ADAM19: variants seen among roughly 807,000 people sequenced by gnomAD.
ADAM19 encodes the protein disintegrin and metalloproteinase domain-containing protein 19.
In ADAM19, 65 loss-of-function variants were observed where a neutral mutation model predicts 114.7. The observed-to-expected ratio is 0.57, with a 90% CI of 0.46 to 0.70. ADAM19 has a LOEUF of 0.70. Among genes scored for constraint, ADAM19 ranks in the 30% least tolerant of loss-of-function variants. The pLI, the probability that ADAM19 is intolerant of heterozygous loss-of-function variation, is 0.00. For missense variants in ADAM19, 1,063 were observed against 1,204.7 expected (o/e 0.88, Z 1.74); for synonymous variants, 466 against 460.5 (o/e 1.01, Z -0.15).
chr5:157,519,482 G>A (rs578207567), intron 6 of ADAM19, among the ~76,000 whole-genome samples: 7 of 152,086 alleles, frequency 4.6e-5, no homozygotes, highest in Non-Finnish European at 7.4e-5. Flanking sequence ...ATGGGGTTTC[G>A]CCATGTTGCC....
Position 157,499,580 on chromosome 5 carries a change from T to C in ADAM19, c.1391A>G (p.Gln464Arg), listed in dbSNP as rs749880422. Residue 464 changes from glutamine to arginine, a missense_variant, in exon 13 of 23, where the codon CAG becomes CGG. Physicochemically the swap from Gln to Arg is conservative, Grantham distance 43. Around this residue, in one of 3 missense-constraint regions of ADAM19, gnomAD observed 615 missense variants for 706.3 expected, o/e 0.87. Coordinates refer to ENST00000257527, the MANE Select transcript of ADAM19 (RefSeq NM_033274.5). Reference protein sequence around the residue: ...AECAHGSCCHQCKLLAPGTLC... With the variant: ...AECAHGSCCHRCKLLAPGTLC... ...GAGAAAAGGGCCACTTACCTTACAC[T>C]GGTGGCAGCAGGAGCCGTGAGCACA... 4 of 1,612,728 alleles carry C rather than the reference T, an allele frequency of 2.5e-6. No homozygotes were observed. Among genetic ancestry groups the C allele is most frequent in the Non-Finnish European group, 3.4e-6 (4 of 1,179,588 alleles).
intron 5 of ADAM19, among the ~76,000 whole-genome samples, chr5:157,520,613 T>G (rs1407870265): frequency 6.6e-6 from 1 of 152,206 alleles, no homozygotes; most frequent in Non-Finnish European, 1.5e-5. Context: ...CAAGCGTCAG[T>G]TTCCTCATCC....
rs11738250 is a variant in ADAM19, at chr5:157,558,521, G to A, written c.251+5852C>T. Among the ~76,000 whole-genome samples the A allele has an allele frequency of 2.2e-3, 341 of 152,324 alleles. 1 individual carries two copies. The highest frequency in any genetic ancestry group is 3.4e-3 in the Middle Eastern group (1 of 294). On this transcript the variant is annotated intron_variant, in intron 3 of 22. Transcript: ENST00000257527. The stretch of plus-strand genomic sequence containing the variant: ...CTCAGTGAAGCATGGTTTACTAAGA[G>A]CATTGGGATACCATCTAAGCCTTTC...
chr5:157,547,848 C>T (rs535845202), intron 3 of ADAM19, among the ~76,000 whole-genome samples: 2 of 152,244 alleles, frequency 1.3e-5, no homozygotes, highest in Non-Finnish European at 1.5e-5. Context: ...TTCTCAAATG[C>T]GTTTTGGATG....
chr5:157,541,977 C>G (rs1756930658), intron 3 of ADAM19, among the ~76,000 whole-genome samples: 2 of 152,212 alleles, frequency 1.3e-5, no homozygotes, highest in African/African-American at 4.8e-5. Flanking sequence ...TCACTCTGCT[C>G]ATCTCAGTAG....
At position 157,490,249 on chromosome 5, in the gene ADAM19, T is replaced by C; in HGVS notation, c.2240+61A>G. The C allele has an allele frequency of 2.5e-6, 4 of 1,594,332 alleles. No individual in the cohort carries two copies. In the South Asian group the frequency reaches 3.3e-5, roughly 13 times the overall value. On this transcript the variant is annotated intron_variant, in intron 19 of 22. Coordinates refer to ENST00000257527, the MANE Select transcript of ADAM19 (RefSeq NM_033274.5). ...TCACCAACACTTTTGCTAAGTACCA[T>C]TTATGGAGACCTTTGTGACCCATAA...
At chr5:157,552,956 A>G (rs1021690078) in intron 3 of ADAM19, among the ~76,000 whole-genome samples, 1 of 152,206 alleles carries the variant, frequency 6.6e-6, no homozygotes, top group Non-Finnish European at 1.5e-5. Context: ...TCAACATCCC[A>G]TGTTCTCACT....
intron 8 of ADAM19, 51 bp from the exon 9 acceptor site, chr5:157,509,518 A>G: frequency 1.5e-6 from 2 of 1,351,208 alleles, no homozygotes; most frequent in Non-Finnish European, 2.0e-6. Flanking sequence ...CCTGGGATTT[A>G]AAAGCCCCTT....
At chr5:157,520,065 G>C (rs1291120241) in intron 5 of ADAM19, 34 bp from the exon 6 acceptor site, 9 of 1,578,612 alleles carry the variant, frequency 5.7e-6, no homozygotes, top group Non-Finnish European at 7.8e-6. Context: ...TCTGGTCAAA[G>C]ATTATGGTTC....
At chr5:157,526,173 TACACAC>T (rs35119605) in intron 5 of ADAM19, among the ~76,000 whole-genome samples, 17 of 109,296 alleles carry the variant, frequency 1.6e-4, no homozygotes, top group African/African-American at 3.2e-4. Context: ...TATATATATA[TACACAC>T]ACACACACAC....
At chr5:157,503,088 G>A (rs1741406326) in intron 11 of ADAM19, 108 bp from the exon 12 acceptor site, 3 of 933,464 alleles carry the variant, frequency 3.2e-6, no homozygotes, top group Non-Finnish European at 3.3e-6. Flanking sequence ...CTCCACCTGG[G>A]TTCAGACCCC....
chr5:157,531,749 A>C (rs1195488402), intron 4 of ADAM19, among the ~76,000 whole-genome samples: 2 of 152,080 alleles, frequency 1.3e-5, no homozygotes, highest in Non-Finnish European at 1.5e-5. Context: ...TCCTTCTAAC[A>C]AGAGGGAAGG....
rs1199824312 is a variant in ADAM19, at chr5:157,505,801, G to A, written c.998C>T (p.Ser333Phe). ...YQSGGVNMDH[S>F]ENAIGVAATM... ...GGCAGCCACGCCAATGGCATTCTCG[G>A]AGTGGTCCTGCTCAGAAGACAGAGT... Residue 333 changes from serine to phenylalanine, a missense_variant, in exon 11 of 23, where the codon TCC becomes TTC. By Grantham distance (155) the Ser-to-Phe change is radical. Transcript: ENST00000257527. 1.2e-6 allele frequency: 2 copies of A among 1,614,064 alleles called. No individual in the cohort carries two copies. Among genetic ancestry groups the A allele is most frequent in the Admixed American group, 1.7e-5 (1 of 60,028 alleles).
At chr5:157,533,793 C>T (rs954973760) in intron 4 of ADAM19, among the ~76,000 whole-genome samples, 1 of 151,944 alleles carries the variant, frequency 6.6e-6, no homozygotes, top group Admixed American at 6.6e-5. Context: ...CACGGTGAAA[C>T]CCTGTCTTTA....
At position 157,509,346 on chromosome 5, in the gene ADAM19, C is replaced by A. The variant is rs772964251; in HGVS notation, c.860G>T (p.Arg287Leu). 5.6e-6 allele frequency: 9 copies of A among 1,611,636 alleles called. No homozygotes were observed. Among genetic ancestry groups the A allele is most frequent in the African/African-American group, 1.3e-5 (1 of 74,822 alleles). ...ATGGTACTTCTGGGCAAGCAGCTTGCGCCTCCAACTGAGAAAGGACCAGAG... is the reference window on the plus strand; with the variant it reads ...ATGGTACTTCTGGGCAAGCAGCTTGAGCCTCCAACTGAGAAAGGACCAGAG... Reference protein sequence around the residue: ...STLWSFLSWRRKLLAQKYHDN... With the variant: ...STLWSFLSWRLKLLAQKYHDN... The change falls in exon 9 of 23, where the codon CGC becomes CTC. Residue 287 changes from arginine to leucine, a missense_variant. Arg to Leu is a moderately radical substitution (Grantham distance 102). Around this residue, in one of 3 missense-constraint regions of ADAM19, gnomAD observed 615 missense variants for 706.3 expected, o/e 0.87. Transcript: ENST00000257527.
chr5:157,512,102 T>A (rs887453947), intron 8 of ADAM19, among the ~76,000 whole-genome samples: 3 of 152,196 alleles, frequency 2.0e-5, no homozygotes, highest in Non-Finnish European at 4.4e-5. Flanking sequence ...GTTTGGGTTG[T>A]AGGATTATTT....
In ADAM19 at chr5:157,519,933, G is replaced by A. The variant is rs752116586; in HGVS notation, c.506C>T (p.Pro169Leu). The A allele has an allele frequency of 2.0e-5, 32 of 1,614,106 alleles. No individual in the cohort carries two copies. The highest frequency in any genetic ancestry group is 1.0e-4 in the Admixed American group (6 of 60,022). ...HLIYRSEHLK[P>L]PPGNCGFEHS... ...CTCGAACCCACAGTTTCCCGGGGGC[G>A]GCTTGAGATGTTCAGATCTGTAAAT... Residue 169 changes from proline to leucine, a missense_variant, in exon 6 of 23, where the codon CCG (proline) becomes CTG (leucine). Around this residue, in one of 3 missense-constraint regions of ADAM19, gnomAD observed 615 missense variants for 706.3 expected, o/e 0.87. Transcript: ENST00000257527.
At chr5:157,491,979 G>T in intron 16 of ADAM19, 67 bp from the exon 17 acceptor site, 3 of 1,532,536 alleles carry the variant, frequency 2.0e-6, no homozygotes, top group Non-Finnish European at 2.7e-6. Flanking sequence ...TAGGAGGCAA[G>T]ATTTTGCACT....
intron 3 of ADAM19, among the ~76,000 whole-genome samples, chr5:157,560,776 G>T (rs1757489188): frequency 6.6e-6 from 1 of 152,202 alleles, no homozygotes; most frequent in African/African-American, 2.4e-5. Flanking sequence ...TTTTCCTCGT[G>T]GGAGGGAAAC....
Sources: gnomAD v4.1 joint callset for allele counts (sites outside exome capture counted in the v4.1 genomes callset) on GRCh38, gnomAD v4.1.1 for gene constraint, gnomAD v4.1.1 regional missense constraint, MANE v1.5 for transcripts, NCBI Gene and HGNC (gene_info 2026-07-23, HGNC 2026-07-21) for gene names.